Variants in TIAM2 observed in about 807,000 individuals in gnomAD.
TIAM2 encodes rho guanine nucleotide exchange factor TIAM2.
Under a neutral mutation model 152.9 loss-of-function variants are expected in TIAM2, and 80 were observed. The observed-to-expected ratio is 0.52, with a 90% CI of 0.44 to 0.63. The LOEUF (loss-of-function observed/expected upper bound fraction) is 0.63. TIAM2 is among the 30% of genes least tolerant of loss of function. The pLI is 0.00. For synonymous variants in TIAM2, 804 were observed against 838.0 expected (o/e 0.96, Z 0.70); for missense variants, 1,965 against 2,120.1 (o/e 0.93, Z 1.44).
chr6:155,002,673 T>TTTTATTTATTTA lies in TIAM2; in HGVS notation c.-209+7193_-209+7204dup, dbSNP rs140724297. The stretch of plus-strand genomic sequence containing the variant: ...CATCACACAGGGAGTGCTTTGCTTG[T>TTTTATTTATTTA]TTTATTTATTTATTTATTTATTTTT... On this transcript the variant is annotated intron_variant, in intron 1 of 26. Transcript: ENST00000682666. 5.4e-3 allele frequency among the ~76,000 whole-genome samples: 815 copies of TTTTATTTATTTA among 150,254 alleles called. 8 individuals carry two copies. The highest frequency in any genetic ancestry group is 0.017 in the African/African-American group (694 of 41,104).
intron 1 of TIAM2, among the ~76,000 whole-genome samples, chr6:155,047,669 AG>A: frequency 3.6e-5 from 1 of 27,452 alleles, no homozygotes; most frequent in South Asian, 1.7e-3. Flanking sequence ...GAGAGAGAGG[AG>A]AGAGAGAGAG....
chr6:155,216,914 G>C (rs1031995021), intron 15 of TIAM2: 42 of 1,192,364 alleles, frequency 3.5e-5, no homozygotes, highest in Non-Finnish European at 4.1e-5. Flanking sequence ...GCTTGGTGGC[G>C]CTAGGACGTC....
At chr6:155,061,618 A>C in intron 1 of TIAM2, among the ~76,000 whole-genome samples, 1 of 152,284 alleles carries the variant, frequency 6.6e-6, no homozygotes, top group East Asian at 1.9e-4. Flanking sequence ...TCTACAGGGC[A>C]GTGTTTGTGT....
intron 14 of TIAM2, among the ~76,000 whole-genome samples, chr6:155,199,298 G>A (rs369311540): frequency 2.6e-5 from 4 of 152,030 alleles, no homozygotes; most frequent in Non-Finnish European, 5.9e-5. Flanking sequence ...GGCTGGTCTC[G>A]AACTCCTGAC....
At chr6:155,061,714 C>A (rs555961473) in intron 1 of TIAM2, among the ~76,000 whole-genome samples, 14 of 152,278 alleles carry the variant, frequency 9.2e-5, no homozygotes, top group African/African-American at 3.1e-4. Flanking sequence ...TTTTCCCTAC[C>A]TACTGTAGTG....
intron 2 of TIAM2, among the ~76,000 whole-genome samples, chr6:155,094,470 G>T (rs545275899): frequency 5.6e-4 from 84 of 151,016 alleles, no homozygotes; most frequent in African/African-American, 1.9e-3. Flanking sequence ...AAGTATACTT[G>T]TAGAAGTCTA....
intron 20 of TIAM2, 127 bp downstream of exon 20, chr6:155,248,306 C>T: frequency 9.2e-7 from 1 of 1,085,812 alleles, no homozygotes; most frequent in Non-Finnish European, 1.3e-6. Flanking sequence ...CTTTTCAGTT[C>T]TGCGATGGTT....
rs373813682 is a variant in TIAM2 at position 155,244,592 on chromosome 6, A to G, written c.3418-66A>G. 6 of 1,556,154 alleles carry G rather than the reference A, an allele frequency of 3.9e-6. No individual in the cohort carries two copies. In the African/African-American group the frequency reaches 8.2e-5, roughly 21 times the overall value. On this transcript the variant is annotated intron_variant, in intron 17 of 26. Transcript: ENST00000682666. ...TCCTTGTGATTTATTTGTGGGCCTAAGAGTTAGCGTGGTGTCCTGAACTTC... is the reference window on the plus strand; with the variant it reads ...TCCTTGTGATTTATTTGTGGGCCTAGGAGTTAGCGTGGTGTCCTGAACTTC...
chr6:155,257,090 T>C lies in TIAM2; in HGVS notation c.5075T>C (p.Phe1692Ser), dbSNP rs764053945. 5 of 1,613,942 alleles carry C rather than the reference T, an allele frequency of 3.1e-6. No individual in the cohort carries two copies. Among genetic ancestry groups the C allele is most frequent in the Non-Finnish European group, 4.2e-6 (5 of 1,180,010 alleles). Residue 1692 changes from phenylalanine (F) to serine (S), a missense_variant, in exon 27 of 27, where the codon TTT becomes TCT. Around this residue, in one of 3 missense-constraint regions of TIAM2, gnomAD observed 935 missense variants for 980.0 expected, o/e 0.95. Transcript: ENST00000682666. ...SLTSVVSEECFYETESHGKS is the reference protein window; with the variant it reads ...SLTSVVSEECSYETESHGKS ...ACATCTGTTGTCAGTGAGGAGTGTT[T>C]TTATGAAACAGAGAGCCACGGAAAA...
chr6:155,055,966 A>G (rs6909885), intron 1 of TIAM2, among the ~76,000 whole-genome samples: 56,275 of 151,832 alleles, frequency 0.37, 10,857 homozygotes, highest in Non-Finnish European at 0.44. Context: ...CCTGACTCAA[A>G]AAACAAAACA....
chr6:155,029,756 A>AACTATATACAGAG (rs1350235178), intron 1 of TIAM2, among the ~76,000 whole-genome samples: 1 of 144,908 alleles, frequency 6.9e-6, no homozygotes, highest in African/African-American at 2.5e-5. Flanking sequence ...ATATATATAT[A>AACTATATACAGAG]TGTAGAAAAA....
intron 2 of TIAM2, among the ~76,000 whole-genome samples, chr6:155,114,036 A>ATTTTTTT (rs869241399): frequency 1.0e-3 from 35 of 34,906 alleles, no homozygotes; most frequent in Non-Finnish European, 1.4e-3. Context: ...ATATATATAT[A>ATTTTTTT]TTTTTTTTTT....
chr6:155,220,201 C>T (rs1239793938), intron 15 of TIAM2, among the ~76,000 whole-genome samples: 1 of 152,208 alleles, frequency 6.6e-6, no homozygotes, highest in Non-Finnish European at 1.5e-5. Flanking sequence ...AGGAAGTTGC[C>T]TGATGAGTCC....
intron 19 of TIAM2, among the ~76,000 whole-genome samples, chr6:155,246,580 C>T (rs1047518247): frequency 1.3e-5 from 2 of 152,220 alleles, no homozygotes; most frequent in East Asian, 1.9e-4. Context: ...AAGTGATCCT[C>T]CTATCTAGGC....
At chr6:155,256,163 C>A (rs113623320) in intron 26 of TIAM2, 4 of 507,130 alleles carry the variant, frequency 7.9e-6, no homozygotes, top group African/African-American at 4.0e-5. Context: ...TTTATTATTA[C>A]CAATTAACTT....
At chr6:155,007,382 T>G (rs1469267647) in intron 1 of TIAM2, among the ~76,000 whole-genome samples, 1 of 148,026 alleles carries the variant, frequency 6.8e-6, no homozygotes, top group Non-Finnish European at 1.5e-5. Flanking sequence ...TTTTTCTTTC[T>G]TTCTTTCTTT....
intron 1 of TIAM2, among the ~76,000 whole-genome samples, chr6:155,007,540 G>A (rs1487024556): frequency 6.6e-6 from 1 of 152,068 alleles, no homozygotes; most frequent in Non-Finnish European, 1.5e-5. Context: ...GAAGAGGTTT[G>A]TTGAATATAT....
chr6:155,141,405 A>G (rs1344558391), intron 5 of TIAM2, among the ~76,000 whole-genome samples: 2 of 152,062 alleles, frequency 1.3e-5, no homozygotes, highest in Admixed American at 6.6e-5. Context: ...ACACACACAC[A>G]CACACACACA....
chr6:155,143,694 C>T (rs557946044), intron 5 of TIAM2, among the ~76,000 whole-genome samples: 1 of 152,186 alleles, frequency 6.6e-6, no homozygotes, highest in Admixed American at 6.5e-5. Context: ...ATTGAGATTC[C>T]CTAAATAATG....
Sources: allele counts gnomAD v4.1 joint callset (sites outside exome capture counted in the v4.1 genomes callset), GRCh38; gene constraint gnomAD v4.1.1; regional missense constraint gnomAD v4.1.1; transcripts MANE v1.5; gene names NCBI Gene and HGNC (gene_info 2026-07-23, HGNC 2026-07-21).